The following GALNT3 variants were observed in gnomAD, a reference collection of about 807,000 sequenced individuals.
The protein encoded by GALNT3 is polypeptide N-acetylgalactosaminyltransferase 3.
In GALNT3, 51 loss-of-function variants were observed where a neutral mutation model predicts 69.8. The observed-to-expected ratio is 0.73, with a 90% CI of 0.58 to 0.92. The LOEUF (loss-of-function observed/expected upper bound fraction) is 0.92. GALNT3 is among the 40% of genes least tolerant of loss of function. The pLI is 0.00. For synonymous variants in GALNT3, 265 were observed against 248.5 expected, an observed-to-expected ratio of 1.07 and a Z score of -0.63; for missense variants, 711 against 760.0, an observed-to-expected ratio of 0.94 and a Z score of 0.76.
At chr2:165,767,728 A>G (rs1314603940) in intron 2 of GALNT3, among the ~76,000 whole-genome samples, 1 of 152,222 alleles carries the variant, frequency 6.6e-6, no homozygotes, top group Non-Finnish European at 1.5e-5. Flanking sequence ...ACATAGAAAC[A>G]TGCTTAAATT....
intron 10 of GALNT3, 96 bp from the exon 11 acceptor site, chr2:165,748,999 A>C (rs1688308255): frequency 7.8e-7 from 1 of 1,282,860 alleles, no homozygotes; most frequent in Admixed American, 2.0e-5. Context: ...AGCAAACCTA[A>C]TAGCAAATCT....
At chr2:165,749,615 C>T in intron 10 of GALNT3, 127 bp downstream of exon 10, 2 of 880,776 alleles carry the variant, frequency 2.3e-6, no homozygotes, top group Non-Finnish European at 3.7e-6. Flanking sequence ...CACATAATAA[C>T]AAAGTTAATA....
At chr2:165,765,989 G>C (rs1399012294) in intron 2 of GALNT3, among the ~76,000 whole-genome samples, 2 of 152,058 alleles carry the variant, frequency 1.3e-5, no homozygotes, top group Non-Finnish European at 2.9e-5. Flanking sequence ...ATGTTGCCCA[G>C]GCTGGTCTTG....
intron 7 of GALNT3, among the ~76,000 whole-genome samples, chr2:165,755,658 G>T (rs777039212): frequency 6.6e-6 from 1 of 152,014 alleles, no homozygotes; most frequent in South Asian, 2.1e-4. Context: ...TCATTTTAAC[G>T]TACTAAGAAA....
At chr2:165,771,951 T>C (rs898032765) in intron 1 of GALNT3, among the ~76,000 whole-genome samples, 4 of 152,192 alleles carry the variant, frequency 2.6e-5, no homozygotes, top group African/African-American at 9.7e-5. Flanking sequence ...ATTGGAGTGC[T>C]CTATATTCTT....
chr2:165,759,155 T>C (rs1017640877), intron 5 of GALNT3, among the ~76,000 whole-genome samples, 181 bp downstream of exon 5: 1 of 152,200 alleles, frequency 6.6e-6, no homozygotes, highest in African/African-American at 2.4e-5. Context: ...TGCTACCTCT[T>C]ACTCAGCAAC....
chr2:165,765,559 G>A (rs1688623579), intron 2 of GALNT3, among the ~76,000 whole-genome samples: 2 of 150,748 alleles, frequency 1.3e-5, no homozygotes, highest in African/African-American at 2.4e-5. Flanking sequence ...GCACGATCTC[G>A]GCTCACTGCA....
chr2:165,770,705 A>C lies in GALNT3; in HGVS notation c.-5T>G. 6.2e-7 allele frequency: 1 copy of C among 1,601,666 alleles called. No homozygotes were observed. Among genetic ancestry groups the C allele is most frequent in the Non-Finnish European group, 8.5e-7 (1 of 1,179,512 alleles). ...TAGTCGCTTTAGGTGAGCCATTCTG[A>C]CATTAAAAGCTTGTCACTTGACAAA... On this transcript the variant is annotated 5_prime_UTR_variant, in exon 2 of 11. Transcript: ENST00000392701.
At chr2:165,775,255 G>GA (rs200361582) in intron 1 of GALNT3, among the ~76,000 whole-genome samples, 10 of 151,488 alleles carry the variant, frequency 6.6e-5, no homozygotes, top group Admixed American at 1.3e-4. Context: ...AAGGCGATAA[G>GA]AAAAAAAACT....
chr2:165,787,821 A>G (rs1031168340), intron 1 of GALNT3, among the ~76,000 whole-genome samples: 2 of 152,236 alleles, frequency 1.3e-5, no homozygotes, highest in Non-Finnish European at 2.9e-5. Context: ...TGGAATATGT[A>G]TAAGCAAAAG....
intron 1 of GALNT3, among the ~76,000 whole-genome samples, chr2:165,791,696 T>C (rs985784860): frequency 1.2e-4 from 19 of 152,066 alleles, no homozygotes; most frequent in Non-Finnish European, 2.1e-4. Flanking sequence ...TTTAAGCCAA[T>C]ATAATAAAAA....
chr2:165,751,606 A>G (rs1349805133), intron 9 of GALNT3, among the ~76,000 whole-genome samples: 1 of 152,240 alleles, frequency 6.6e-6, no homozygotes, highest in Non-Finnish European at 1.5e-5. Flanking sequence ...AAAAGAGCAC[A>G]TAATTGGATA....
intron 2 of GALNT3, among the ~76,000 whole-genome samples, chr2:165,768,067 T>C (rs137919664): frequency 7.0e-4 from 106 of 152,032 alleles, no homozygotes; most frequent in Admixed American, 4.7e-3. Context: ...AGAAATGAGG[T>C]TTCACCATGT....
intron 1 of GALNT3, among the ~76,000 whole-genome samples, chr2:165,778,386 T>C (rs569240797): frequency 3.9e-5 from 6 of 152,308 alleles, no homozygotes; most frequent in Admixed American, 1.3e-4. Context: ...AACATAGTTG[T>C]TGGCTTTTGG....
intron 1 of GALNT3, among the ~76,000 whole-genome samples, chr2:165,781,231 G>A (rs556235016): frequency 6.2e-4 from 95 of 152,190 alleles, no homozygotes; most frequent in African/African-American, 2.2e-3. Flanking sequence ...ATTAAAAACT[G>A]GCAGCCTTAT....
At chr2:165,788,798 G>GTA (rs1414312785) in intron 1 of GALNT3, among the ~76,000 whole-genome samples, 2 of 152,102 alleles carry the variant, frequency 1.3e-5, no homozygotes, top group Non-Finnish European at 2.9e-5. Flanking sequence ...GGCTTATGGA[G>GTA]TATCACTCCA....
In GALNT3 at chr2:165,757,099, T is replaced by A; in HGVS notation, c.1340A>T (p.Tyr447Phe). ...ATTTCTCCTATAAAATATTTCCTTGTATTCATCCATCCAGACTTCTGCAAG... is the reference window on the plus strand; with the variant it reads ...ATTTCTCCTATAAAATATTTCCTTGAATTCATCCATCCAGACTTCTGCAAG... Reference protein sequence around the residue: ...VRLAEVWMDEYKEIFYRRNTD... With the variant: ...VRLAEVWMDEFKEIFYRRNTD... Residue 447 changes from tyrosine (Y) to phenylalanine (F), a missense_variant, in exon 7 of 11, where the codon TAC becomes TTC. Coordinates refer to ENST00000392701, the MANE Select transcript of GALNT3 (RefSeq NM_004482.4). 6.2e-7 allele frequency: 1 copy of A among 1,614,084 alleles called. No homozygotes were observed.
chr2:165,766,872 T>C (rs1488067507), intron 2 of GALNT3, among the ~76,000 whole-genome samples: 1 of 152,100 alleles, frequency 6.6e-6, no homozygotes, highest in African/African-American at 2.4e-5. Context: ...TTTGTAGTGA[T>C]TAAAAAAAGG....
At chr2:165,792,540 T>A (rs1197594414) in intron 1 of GALNT3, among the ~76,000 whole-genome samples, 1 of 152,160 alleles carries the variant, frequency 6.6e-6, no homozygotes, top group East Asian at 1.9e-4. Flanking sequence ...TAGATTTCCA[T>A]CTAATCTTAA....
Sources: allele counts gnomAD v4.1 joint callset (sites outside exome capture counted in the v4.1 genomes callset), GRCh38; gene constraint gnomAD v4.1.1; transcripts MANE v1.5; gene names NCBI Gene and HGNC (gene_info 2026-07-23, HGNC 2026-07-21).